Variants in PABPC1 observed in about 807,000 individuals in gnomAD.
The protein encoded by PABPC1 is poly(A) binding protein cytoplasmic 1.
PABPC1 carries 4 observed loss-of-function variants against 74.0 expected under a neutral mutation model. The observed-to-expected ratio is 0.05, with a 90% CI of 0.03 to 0.12. The LOEUF is 0.12. Ranked by LOEUF, PABPC1 falls within the 10% of genes least tolerant of loss-of-function variation. The pLI, the probability that PABPC1 is intolerant of heterozygous loss-of-function variation, is 1.00. For missense variants in PABPC1, 271 were observed against 821.1 expected (o/e 0.33, Z 8.19); for synonymous variants, 227 against 264.1 (o/e 0.86, Z 1.36).
intron 9 of PABPC1, among the ~76,000 whole-genome samples, chr8:100,707,518 CAGAG>C (rs922890975): frequency 2.6e-5 from 4 of 152,252 alleles, no homozygotes; most frequent in East Asian, 3.9e-4. Context: ...GGAGAGGAGA[CAGAG>C]AGAAAGACAG....
rs1810569222 is a variant in PABPC1 at position 100,712,975 on chromosome 8, AT to A, written c.738+111del. On this transcript the variant is annotated intron_variant, in intron 5 of 14. Transcript: ENST00000318607. The stretch of plus-strand genomic sequence containing the variant: ...CTCAAACCTAATGCATAAAATGCAA[AT>A]AACTGAAAATATAAGAACATGTCAA... 1.5e-5 allele frequency: 15 copies of A among 1,027,584 alleles called. 1 individual carries two copies. Among genetic ancestry groups the A allele is most frequent in the East Asian group, 2.5e-5 (1 of 40,006 alleles). 63.7% of individuals were successfully genotyped at this position (1,027,584 alleles called of 1,614,324 possible). A position where few individuals can be genotyped will look rare whatever the true frequency, so the allele number is the denominator to read the frequency against.
At position 100,721,515 on chromosome 8, in the gene PABPC1, G is replaced by A. The variant is rs1402111566; in HGVS notation, c.69C>T (p.Thr23=). Residue 23 remains threonine, a synonymous_variant, in exon 1 of 15, where the codon ACC becomes ACT. Coordinates refer to ENST00000318607, the MANE Select transcript of PABPC1 (RefSeq NM_002568.4). This position sits in a 1 kb window ranked among gnomAD's most constrained non-coding sequence, Gnocchi z 7.4. ...TGAACTTCTCGTAGAGCATCGCCTC[G>A]GTCACGTCGGGGTGGAGGTCCCCCA... The part of the protein sequence containing the change: ...LYVGDLHPDV[T]EAMLYEKFSP... The A allele has an allele frequency of 6.2e-7, 1 of 1,611,238 alleles. No homozygotes were observed. The highest frequency in any genetic ancestry group is 8.5e-7 in the Non-Finnish European group (1 of 1,178,508).
In PABPC1 at chr8:100,704,503, G is replaced by A. The variant is rs1810330769; in HGVS notation, c.1819-113C>T. The A allele has an allele frequency of 2.3e-5, 21 of 908,132 alleles. No homozygotes were observed. In the South Asian group the frequency reaches 2.8e-4, roughly 12 times the overall value. The allele number at this position is 908,132 out of a possible 1,614,324, so 56.3% of individuals were successfully genotyped here. The stretch of plus-strand genomic sequence containing the variant: ...GATAAGTTTCTTCCCTCAAATGAAA[G>A]TATAAATTGTTACACTAAACAACTA... On this transcript the variant is annotated intron_variant, in intron 13 of 14. Transcript: ENST00000318607.
At chr8:100,712,941 A>G in intron 5 of PABPC1, 146 bp downstream of exon 5, 2 of 1,082,140 alleles carry the variant, frequency 1.8e-6, no homozygotes, top group Non-Finnish European at 2.6e-6. Flanking sequence ...TAGGTTACCA[A>G]TTTATACTCT....
At chr8:100,708,823 A>G (rs540076718) in intron 9 of PABPC1, among the ~76,000 whole-genome samples, 1 of 152,242 alleles carries the variant, frequency 6.6e-6, no homozygotes, top group South Asian at 2.1e-4. Context: ...GGTTGCAGTG[A>G]GCCGAAACTG....
chr8:100,721,620 C>A lies in PABPC1; in HGVS notation c.-37G>T. On this transcript the variant is annotated 5_prime_UTR_variant, in exon 1 of 15. The change creates a new upstream start codon in the 5' untranslated region. Coordinates refer to ENST00000318607, the MANE Select transcript of PABPC1 (RefSeq NM_002568.4). The surrounding 1 kb of genome is among the most constrained non-coding windows in gnomAD (Gnocchi z 7.4). ...TGCCCGCAGGGCCACAGGCCGCGAC[C>A]TTTCCGTGAGAGGAGGAGAGCGAGT... 7.4e-7 allele frequency: 1 copy of A among 1,359,126 alleles called. No individual in the cohort carries two copies. Among genetic ancestry groups the A allele is most frequent in the South Asian group, 1.5e-5 (1 of 68,836 alleles). 84.2% of individuals were successfully genotyped at this position (1,359,126 alleles called of 1,614,324 possible).
chr8:100,705,571 T>A lies in PABPC1; in HGVS notation c.1687+18A>T, dbSNP rs1810358645. On this transcript the variant is annotated intron_variant, in intron 12 of 14. Coordinates refer to ENST00000318607, the MANE Select transcript of PABPC1 (RefSeq NM_002568.4). ...TTCTAGTCTTTCTGAACTGACAAGGTGGGACAGAAGTACTCACCCAACATT... is the reference window on the plus strand; with the variant it reads ...TTCTAGTCTTTCTGAACTGACAAGGAGGGACAGAAGTACTCACCCAACATT... The A allele has an allele frequency of 8.1e-6, 11 of 1,357,228 alleles. No individual in the cohort carries two copies. The East Asian group carries it at 2.6e-4, about 32-fold the overall frequency. The allele number at this position is 1,357,228 out of a possible 1,614,324, so 84.1% of individuals were successfully genotyped here. A position where few individuals can be genotyped will look rare whatever the true frequency, so the allele number is the denominator to read the frequency against.
chr8:100,706,315 C>G (rs1459013243), intron 11 of PABPC1, among the ~76,000 whole-genome samples: 6 of 152,216 alleles, frequency 3.9e-5, no homozygotes, highest in Non-Finnish European at 8.8e-5. Flanking sequence ...GCTGTCTTCA[C>G]ATTTTTTCTT....
At chr8:100,704,674 G>A (rs1810334747) in intron 13 of PABPC1, among the ~76,000 whole-genome samples, 2 of 152,226 alleles carry the variant, frequency 1.3e-5, no homozygotes, top group South Asian at 4.1e-4. Flanking sequence ...GAGTATGGCT[G>A]TTGGAGCTGA....
intron 6 of PABPC1, 58 bp downstream of exon 6, chr8:100,712,594 A>C: frequency 6.4e-7 from 1 of 1,566,748 alleles, no homozygotes; most frequent in South Asian, 1.2e-5. Context: ...AACTGAAATC[A>C]ACGTAAAATA....
intron 4 of PABPC1, 142 bp from the exon 5 acceptor site, chr8:100,713,323 T>C (rs1810578464): frequency 5.9e-6 from 3 of 508,462 alleles, no homozygotes; most frequent in East Asian, 6.5e-5. Context: ...ATGCCCCAGG[T>C]AGGTATACTT....
Position 100,709,229 on chromosome 8 carries a change from G to C in PABPC1, c.1246-6C>G. ...TATGCAGCACGGTTCTGAGTCTGCA[G>C]GGAAAAAAAGCACATGAGTTTATCA... On this transcript the variant is annotated splice_polypyrimidine_tract_variant and splice_region_variant and intron_variant, in intron 8 of 14. Coordinates refer to ENST00000318607, the MANE Select transcript of PABPC1 (RefSeq NM_002568.4). 4 of 1,580,672 alleles carry C rather than the reference G, an allele frequency of 2.5e-6. No individual in the cohort carries two copies. The highest frequency in any genetic ancestry group is 3.4e-6 in the Non-Finnish European group (4 of 1,162,296).
At chr8:100,709,923 T>C (rs1810483988) in intron 7 of PABPC1, 192 bp from the exon 8 acceptor site, 2 of 599,116 alleles carry the variant, frequency 3.3e-6, no homozygotes, top group Non-Finnish European at 2.9e-6. Flanking sequence ...ACTACACATA[T>C]GCATTACCCT....
intron 5 of PABPC1, 32 bp from the exon 6 acceptor site, chr8:100,712,821 T>C (rs748597836): frequency 2.6e-6 from 3 of 1,171,266 alleles, no homozygotes; most frequent in Non-Finnish European, 3.5e-6. Flanking sequence ...AAAAAAAAAA[T>C]CACAAAACTT....
intron 3 of PABPC1, among the ~76,000 whole-genome samples, chr8:100,717,438 G>A (rs1440334020): frequency 6.6e-6 from 1 of 152,164 alleles, no homozygotes; most frequent in Non-Finnish European, 1.5e-5. Flanking sequence ...CTGAATTCCT[G>A]ATTTTTCACT....
chr8:100,716,262 G>A (rs1032975037), intron 3 of PABPC1, among the ~76,000 whole-genome samples: 15 of 152,188 alleles, frequency 9.9e-5, no homozygotes, highest in African/African-American at 3.4e-4. Flanking sequence ...TTAGTTGGGT[G>A]TGGTGGTGTA....
At chr8:100,705,531 A>G in intron 12 of PABPC1, 58 bp downstream of exon 12, 1 of 1,042,150 alleles carries the variant, frequency 9.6e-7, no homozygotes, top group Non-Finnish European at 1.5e-6. Context: ...CTAGTGCCTA[A>G]GTGATTCCTA....
intron 1 of PABPC1, among the ~76,000 whole-genome samples, chr8:100,719,070 G>A (rs1194161062): frequency 1.3e-5 from 2 of 152,114 alleles, no homozygotes; most frequent in African/African-American, 4.8e-5. Context: ...TCTGAATACT[G>A]CTAGAAAATT....
At chr8:100,709,331 A>AT (rs1810468838) in intron 8 of PABPC1, 108 bp from the exon 9 acceptor site, 3 of 1,459,580 alleles carry the variant, frequency 2.1e-6, no homozygotes, top group East Asian at 2.3e-5. Flanking sequence ...ACACTCAAGC[A>AT]TTTTTTCCTA....
Sources: gnomAD v4.1 joint callset for allele counts (sites outside exome capture counted in the v4.1 genomes callset) on GRCh38, gnomAD v4.1.1 for gene constraint, Gnocchi (gnomAD v3.1) non-coding constraint, MANE v1.5 for transcripts, NCBI Gene and HGNC (gene_info 2026-07-23, HGNC 2026-07-21) for gene names.